The following MS4A5 variants were observed in gnomAD, a reference collection of about 807,000 sequenced individuals.
The protein encoded by MS4A5 is membrane spanning 4-domains A5.
In MS4A5, 15 loss-of-function variants were observed where a neutral mutation model predicts 18.2. The observed-to-expected ratio is 0.83, with a 90% CI of 0.55 to 1.27. The LOEUF (loss-of-function observed/expected upper bound fraction) is 1.27, where lower values mean the gene tolerates loss of function less well. Ranked by LOEUF, MS4A5 falls within the 50% of genes most tolerant of loss-of-function variation. The pLI is 0.00. For missense variants in MS4A5, 232 were observed against 225.7 expected, an observed-to-expected ratio of 1.03 and a Z score of -0.18; for synonymous variants, 89 against 78.7, an observed-to-expected ratio of 1.13 and a Z score of -0.69.
intron 4 of MS4A5, among the ~76,000 whole-genome samples, chr11:60,444,620 CAAAG>C (rs751150093): frequency 3.3e-5 from 5 of 152,186 alleles, no homozygotes; most frequent in South Asian, 2.1e-4. Flanking sequence ...AAGCAGTTCA[CAAAG>C]AAAGATAGAT....
At chr11:60,441,421 AG>A (rs1159470306) in intron 4 of MS4A5, among the ~76,000 whole-genome samples, 1 of 39,432 alleles carries the variant, frequency 2.5e-5, no homozygotes, top group African/African-American at 7.6e-5. Flanking sequence ...TAAAACTTAA[AG>A]TATAATAAAA....
intron 4 of MS4A5, among the ~76,000 whole-genome samples, chr11:60,434,226 A>T (rs1323175004): frequency 6.6e-6 from 1 of 152,144 alleles, no homozygotes. Context: ...TTATAGCCCT[A>T]TATGTACATT....
At chr11:60,447,289 G>C (rs1468146008) in intron 4 of MS4A5, among the ~76,000 whole-genome samples, 1 of 142,162 alleles carries the variant, frequency 7.0e-6, no homozygotes, top group African/African-American at 2.6e-5. Flanking sequence ...GCTATGCTAT[G>C]CTATGCTATC....
Position 60,429,664 on chromosome 11 carries a change from C to T in MS4A5, c.-11C>T, listed in dbSNP as rs758882097. On this transcript the variant is annotated 5_prime_UTR_variant, in exon 1 of 5. Coordinates refer to ENST00000300190, the MANE Select transcript of MS4A5 (RefSeq NM_023945.3). ...TAAATCATCTCCTTTCAAATTATCA[C>T]CGACACCATCATGGATTCAAGCACC... The T allele has an allele frequency of 6.2e-6, 10 of 1,603,048 alleles. No homozygotes were observed. In the African/African-American group the frequency reaches 1.1e-4, roughly 17 times the overall value.
At chr11:60,445,249 A>T (rs1167419511) in intron 4 of MS4A5, among the ~76,000 whole-genome samples, 1 of 151,846 alleles carries the variant, frequency 6.6e-6, no homozygotes, top group Non-Finnish European at 1.5e-5. Context: ...AGAAAAAGAG[A>T]TAAAAGACAT....
rs551050822 is a variant in MS4A5 at position 60,435,624 on chromosome 11, G to A, written c.492+1707G>A. ...CGAGGCATTGCCTCACTTGGGAAGC[G>A]CAAGGGGTCAGGGAGTTCCCTTTCT... On this transcript the variant is annotated intron_variant, in intron 4 of 4. Coordinates refer to ENST00000300190, the MANE Select transcript of MS4A5 (RefSeq NM_023945.3). The A allele has an allele frequency of 5.8e-5, 16 of 276,146 alleles. No homozygotes were observed. In the East Asian group the frequency reaches 5.9e-4, roughly 10 times the overall value. 17.1% of individuals were successfully genotyped at this position (276,146 alleles called of 1,614,324 possible). A position where few individuals can be genotyped will look rare whatever the true frequency, so the allele number is the denominator to read the frequency against.
chr11:60,432,509 C>T (rs2086055264), intron 3 of MS4A5, 42 bp downstream of exon 3: 6 of 1,300,696 alleles, frequency 4.6e-6, no homozygotes, highest in Non-Finnish European at 6.5e-6. Context: ...ATTTTGTAGC[C>T]AGTCATGGTG....
chr11:60,429,877 TAGGGAAATTATCTGTTGGCACATGTTTGA>T (rs2086039189), intron 1 of MS4A5, 50 bp downstream of exon 1: 5 of 1,544,320 alleles, frequency 3.2e-6, no homozygotes. Context: ...GGGGAAAGGC[TAGGGAAATTATCTGTTGGCACATGTTTGA>T]AGGTAGGAGC....
intron 2 of MS4A5, among the ~76,000 whole-genome samples, chr11:60,431,215 A>G (rs960074207): frequency 6.6e-6 from 1 of 152,218 alleles, no homozygotes; most frequent in African/African-American, 2.4e-5. Context: ...AGAGAAAGGC[A>G]ATGGGCCTCT....
intron 4 of MS4A5, among the ~76,000 whole-genome samples, chr11:60,434,363 G>T (rs2086067382): frequency 6.6e-6 from 1 of 152,114 alleles, no homozygotes; most frequent in Non-Finnish European, 1.5e-5. Context: ...TAAGATTAGT[G>T]TAAAAGAATG....
In MS4A5 at chr11:60,429,773, T is replaced by C; in HGVS notation, c.99T>C (p.Phe33=). 1 of 1,614,088 alleles carries C rather than the reference T, an allele frequency of 6.2e-7. No homozygotes were observed. Among genetic ancestry groups the C allele is most frequent in the South Asian group, 1.1e-5 (1 of 91,056 alleles). The change falls in exon 1 of 5, where the codon TTT becomes TTC. Residue 33 remains phenylalanine, a synonymous_variant. Transcript: ENST00000300190. ...CCACAGAACTTTCAGCCACGACCTT[T>C]TCAACTCAAAGCCCCTTGCAAAAAT... The part of the protein sequence containing the change: ...YESTELSATT[F]STQSPLQKLF...
chr11:60,442,403 C>T (rs1202254374), intron 4 of MS4A5, among the ~76,000 whole-genome samples: 1 of 152,114 alleles, frequency 6.6e-6, no homozygotes, highest in Non-Finnish European at 1.5e-5. Context: ...GAAAACCAAA[C>T]ACCTTATGTT....
intron 4 of MS4A5, among the ~76,000 whole-genome samples, chr11:60,447,294 GCTATC>G (rs1161354519): frequency 1.4e-5 from 2 of 147,388 alleles, no homozygotes; most frequent in African/African-American, 5.1e-5. Flanking sequence ...GCTATGCTAT[GCTATC>G]CTATGCTGTG....
At chr11:60,432,041 T>C (rs1782956721) in intron 2 of MS4A5, among the ~76,000 whole-genome samples, 1 of 152,146 alleles carries the variant, frequency 6.6e-6, no homozygotes, top group Non-Finnish European at 1.5e-5. Context: ...GAGAACACAC[T>C]GGATTGCAGT....
At chr11:60,430,425 T>G (rs1361605504) in intron 1 of MS4A5, among the ~76,000 whole-genome samples, 1 of 152,150 alleles carries the variant, frequency 6.6e-6, no homozygotes, top group African/African-American at 2.4e-5. Flanking sequence ...TTCTCAGACA[T>G]TCACATTTAT....
intron 4 of MS4A5, among the ~76,000 whole-genome samples, chr11:60,438,501 G>A (rs915940033): frequency 2.0e-5 from 3 of 151,652 alleles, no homozygotes; most frequent in Non-Finnish European, 2.9e-5. Flanking sequence ...TTTTTGAAAG[G>A]ATCAACAAAA....
At chr11:60,447,159 GC>G (rs1176542669) in intron 4 of MS4A5, among the ~76,000 whole-genome samples, 7 of 149,898 alleles carry the variant, frequency 4.7e-5, no homozygotes, top group Non-Finnish European at 1.0e-4. Context: ...GCTATCCTAT[GC>G]TATCCTATGT....
chr11:60,439,879 C>T (rs2086100918), intron 4 of MS4A5, among the ~76,000 whole-genome samples: 1 of 84,118 alleles, frequency 1.2e-5, no homozygotes, highest in Non-Finnish European at 2.5e-5. Context: ...CAATGCCATC[C>T]CCATCAAGCT....
At chr11:60,437,567 G>A (rs1451917744) in intron 4 of MS4A5, among the ~76,000 whole-genome samples, 1 of 152,006 alleles carries the variant, frequency 6.6e-6, no homozygotes, top group Non-Finnish European at 1.5e-5. Context: ...AAAATAAAAG[G>A]ATGGAGGAAG....
Sources: allele counts gnomAD v4.1 joint callset (sites outside exome capture counted in the v4.1 genomes callset), GRCh38; gene constraint gnomAD v4.1.1; transcripts MANE v1.5; gene names NCBI Gene and HGNC (gene_info 2026-07-23, HGNC 2026-07-21).